PSD3: variants seen among roughly 807,000 people sequenced by gnomAD.
The protein encoded by PSD3 is pleckstrin and Sec7 domain containing 3, also known as PH and SEC7 domain-containing protein 3.
Under a neutral mutation model 105.5 loss-of-function variants are expected in PSD3, and 49 were observed. The observed-to-expected ratio is 0.46, with a 90% CI of 0.37 to 0.59. The LOEUF (loss-of-function observed/expected upper bound fraction) is 0.59. Among genes scored for constraint, PSD3 ranks in the 20% least tolerant of loss-of-function variants. The pLI, the probability that PSD3 is intolerant of heterozygous loss-of-function variation, is 0.00. For missense variants in PSD3, 1,561 were observed against 1,263.8 expected (o/e 1.24, Z -3.57); for synonymous variants, 557 against 457.8 (o/e 1.22, Z -2.77).
chr8:18,747,305 A>T (rs1200769779), intron 9 of PSD3, among the ~76,000 whole-genome samples: 2 of 152,240 alleles, frequency 1.3e-5, no homozygotes, highest in Non-Finnish European at 1.5e-5. Flanking sequence ...AACAAGGAAA[A>T]TATAGGAACA....
intron 1 of PSD3, among the ~76,000 whole-genome samples, chr8:19,020,659 C>T (rs1357191961): frequency 2.0e-5 from 3 of 151,932 alleles, no homozygotes; most frequent in African/African-American, 7.3e-5. Context: ...TACAACAATT[C>T]AAGCAGGAGA....
intron 4 of PSD3, among the ~76,000 whole-genome samples, chr8:18,825,128 T>C (rs966286791): frequency 6.6e-6 from 1 of 152,216 alleles, no homozygotes; most frequent in Non-Finnish European, 1.5e-5. Context: ...CCCTGAAACT[T>C]ATGTGTGTAT....
chr8:18,992,760 G>A (rs907960012), intron 1 of PSD3, among the ~76,000 whole-genome samples: 1 of 151,962 alleles, frequency 6.6e-6, no homozygotes, highest in Non-Finnish European at 1.5e-5. Flanking sequence ...TTAAGTAGTG[G>A]ACTTGAAGTC....
At chr8:18,614,828 G>A (rs1236810278) in intron 11 of PSD3, among the ~76,000 whole-genome samples, 1 of 151,580 alleles carries the variant, frequency 6.6e-6, no homozygotes, top group Admixed American at 6.6e-5. Context: ...TAGACACGGG[G>A]TCTTGCAATG....
chr8:18,797,813 T>C lies in PSD3; in HGVS notation c.2082+1482A>G, dbSNP rs761756032. On this transcript the variant is annotated intron_variant, in intron 8 of 15. Transcript: ENST00000327040. ...CTCCCACCATTAAACTTTTCTCAGT[T>C]AACAGATGCTAAACGTACAACTCTT... 7.0e-4 allele frequency among the ~76,000 whole-genome samples: 106 copies of C among 152,154 alleles called. 1 individual carries two copies. Among genetic ancestry groups the C allele is most frequent in the Admixed American group, 1.6e-3 (25 of 15,266 alleles).
chr8:18,885,414 G>A (rs540472549), intron 2 of PSD3, among the ~76,000 whole-genome samples: 18 of 152,168 alleles, frequency 1.2e-4, no homozygotes, highest in Non-Finnish European at 1.8e-4. Context: ...AAACTGTTTC[G>A]TATATATGTA....
chr8:18,961,333 GAAGGT>G (rs1319616814), intron 1 of PSD3, among the ~76,000 whole-genome samples: 1 of 152,146 alleles, frequency 6.6e-6, no homozygotes, highest in African/African-American at 2.4e-5. Context: ...AGTACACAAA[GAAGGT>G]TACTAGTCAA....
intron 1 of PSD3, among the ~76,000 whole-genome samples, chr8:19,049,659 C>A (rs1417357616): frequency 2.4e-5 from 3 of 123,700 alleles, no homozygotes; most frequent in African/African-American, 9.4e-5. Context: ...CCACTGCAGT[C>A]TAACCTGGGT....
At chr8:18,956,409 T>C (rs575923736) in intron 1 of PSD3, among the ~76,000 whole-genome samples, 4 of 152,270 alleles carry the variant, frequency 2.6e-5, no homozygotes, top group East Asian at 3.9e-4. Flanking sequence ...TGCTGGTCCA[T>C]GAACTTCACT....
At chr8:18,716,867 C>G (rs530529501) in intron 9 of PSD3, among the ~76,000 whole-genome samples, 3 of 152,292 alleles carry the variant, frequency 2.0e-5, no homozygotes, top group Admixed American at 6.5e-5. Flanking sequence ...CTATAACTCC[C>G]TCACGGATAC....
At chr8:19,060,322 A>G (rs930627081) in intron 1 of PSD3, among the ~76,000 whole-genome samples, 1 of 152,204 alleles carries the variant, frequency 6.6e-6, no homozygotes, top group Non-Finnish European at 1.5e-5. Context: ...AATACCTCCT[A>G]TTTACCAATA....
chr8:19,034,999 G>T (rs375324017), intron 1 of PSD3, among the ~76,000 whole-genome samples: 9 of 152,066 alleles, frequency 5.9e-5, no homozygotes, highest in African/African-American at 2.2e-4. Flanking sequence ...AGAGATGGAT[G>T]CTCAGGAGCA....
chr8:18,818,177 A>T (rs1563307863), intron 4 of PSD3, among the ~76,000 whole-genome samples: 2 of 151,190 alleles, frequency 1.3e-5, no homozygotes, highest in Non-Finnish European at 3.0e-5. Flanking sequence ...CTGGTCTCAA[A>T]CTCCTGACCT....
At chr8:18,751,869 CA>C (rs1333597153) in intron 9 of PSD3, among the ~76,000 whole-genome samples, 1 of 148,806 alleles carries the variant, frequency 6.7e-6, no homozygotes. Context: ...TTCAGCCTAA[CA>C]GGCCAAATAA....
intron 2 of PSD3, among the ~76,000 whole-genome samples, chr8:18,916,358 A>ACC (rs1820603851): frequency 1.3e-5 from 1 of 74,284 alleles, no homozygotes; most frequent in African/African-American, 5.7e-5. Context: ...ATACACACAC[A>ACC]CACACACACA....
At chr8:18,649,873 C>T (rs1343069659) in intron 10 of PSD3, among the ~76,000 whole-genome samples, 1 of 152,212 alleles carries the variant, frequency 6.6e-6, no homozygotes, top group Non-Finnish European at 1.5e-5. Flanking sequence ...GAAGTGCTGA[C>T]TCCCTCTTTG....
chr8:18,695,265 C>T (rs994321844), intron 9 of PSD3, among the ~76,000 whole-genome samples: 3 of 85,458 alleles, frequency 3.5e-5, no homozygotes, highest in African/African-American at 1.3e-4. Flanking sequence ...CTTAATCTCT[C>T]TCAGAGGAAA....
intron 12 of PSD3, among the ~76,000 whole-genome samples, chr8:18,576,326 C>G (rs575912567): frequency 6.6e-6 from 1 of 152,002 alleles, no homozygotes; most frequent in Non-Finnish European, 1.5e-5. Flanking sequence ...TAATATTAAA[C>G]GACAAAATTG....
In PSD3 at chr8:18,934,840, T is replaced by C. The variant is rs1279331541; in HGVS notation, c.130+1194A>G. Among the ~76,000 whole-genome samples, 7 of 152,236 alleles carry C rather than the reference T, an allele frequency of 4.6e-5. No individual in the cohort carries two copies. The South Asian group carries it at 1.2e-3, about 27-fold the overall frequency. ...CTTTTCCAATCTAATTCTCAAGATA[T>C]GCTAATATCCCCTTTATCATCGGTT... On this transcript the variant is annotated intron_variant, in intron 2 of 15. Transcript: ENST00000327040.
Sources: gnomAD v4.1 joint callset for allele counts (sites outside exome capture counted in the v4.1 genomes callset) on GRCh38, gnomAD v4.1.1 for gene constraint, MANE v1.5 for transcripts, NCBI Gene and HGNC (gene_info 2026-07-23, HGNC 2026-07-21) for gene names.